The following CALD1 variants were observed in gnomAD, a reference collection of about 807,000 sequenced individuals.
The protein encoded by CALD1 is caldesmon.
Under a neutral mutation model 99.9 loss-of-function variants are expected in CALD1, and 33 were observed. The ratio of observed to expected loss-of-function variants is 0.33; its 90% CI spans 0.25 to 0.44. CALD1 has a LOEUF of 0.44. Ranked by LOEUF, CALD1 falls within the 20% of genes least tolerant of loss-of-function variation. CALD1 has a pLI of 1.00. For synonymous variants in CALD1, 310 were observed against 325.0 expected, an observed-to-expected ratio of 0.95 and a Z score of 0.50; for missense variants, 861 against 962.1, an observed-to-expected ratio of 0.89 and a Z score of 1.39.
chr7:134,865,752 C>T (rs1441762845), intron 2 of CALD1, among the ~76,000 whole-genome samples: 1 of 152,136 alleles, frequency 6.6e-6, no homozygotes, highest in African/African-American at 2.4e-5. Context: ...CATCTCCAGC[C>T]TGCTTGGAGA....
chr7:134,766,012 C>A (rs909474123), intron 1 of CALD1, among the ~76,000 whole-genome samples: 1 of 152,064 alleles, frequency 6.6e-6, no homozygotes, highest in Non-Finnish European at 1.5e-5. Flanking sequence ...ATGTGAAGCA[C>A]CTGCTCCTGC....
At chr7:134,867,476 A>T (rs1267941764) in intron 2 of CALD1, among the ~76,000 whole-genome samples, 1 of 152,194 alleles carries the variant, frequency 6.6e-6, no homozygotes, top group Non-Finnish European at 1.5e-5. Flanking sequence ...AGAATAAATA[A>T]TCTTGGGATC....
At chr7:134,965,787 A>G (rs1345823627) in intron 14 of CALD1, among the ~76,000 whole-genome samples, 1 of 150,376 alleles carries the variant, frequency 6.6e-6, no homozygotes, top group Non-Finnish European at 1.5e-5. Flanking sequence ...GAACCATTTT[A>G]GATTACATTG....
At chr7:134,963,509 C>T (rs1266386618) in intron 13 of CALD1, among the ~76,000 whole-genome samples, 2 of 152,178 alleles carry the variant, frequency 1.3e-5, no homozygotes. Flanking sequence ...TTAGCTTTGC[C>T]TTCCTCCTGA....
At position 134,783,760 on chromosome 7, in the gene CALD1, T is replaced by A. The variant is rs1797200715; in HGVS notation, c.-130+4011T>A. 6.6e-6 allele frequency among the ~76,000 whole-genome samples: 1 copy of A among 151,928 alleles called. No individual in the cohort carries two copies. Among genetic ancestry groups the A allele is most frequent in the South Asian group, 2.1e-4 (1 of 4,798 alleles). ...GGGGCATGTAAGATGGGGAGTGGGG[T>A]CAGATCTGGATTCCCATAGAAGACA... On this transcript the variant is annotated intron_variant, in intron 1 of 14. Transcript: ENST00000361675. This position sits in a 1 kb window ranked among gnomAD's most constrained non-coding sequence, Gnocchi z 4.3.
At chr7:134,863,404 A>G (rs548170287) in intron 2 of CALD1, among the ~76,000 whole-genome samples, 27 of 152,230 alleles carry the variant, frequency 1.8e-4, no homozygotes, top group Admixed American at 2.6e-4. Context: ...CAATACTGGC[A>G]CTGCCCAAAA....
At chr7:134,904,935 T>G (rs1803261793) in intron 3 of CALD1, among the ~76,000 whole-genome samples, 1 of 152,000 alleles carries the variant, frequency 6.6e-6, no homozygotes, top group Non-Finnish European at 1.5e-5. Flanking sequence ...AAGAAAGAGA[T>G]AGAGAAAATA....
At chr7:134,883,937 T>C (rs1801726373) in intron 3 of CALD1, among the ~76,000 whole-genome samples, 1 of 152,094 alleles carries the variant, frequency 6.6e-6, no homozygotes. Flanking sequence ...GTGAGGTCTC[T>C]AATAAAAATA....
At chr7:134,757,443 G>A (rs1476822962) in intron 1 of CALD1, among the ~76,000 whole-genome samples, 1 of 152,124 alleles carries the variant, frequency 6.6e-6, no homozygotes, top group Non-Finnish European at 1.5e-5. Context: ...ACAATTTGCA[G>A]GTCTGTGTTC....
intron 1 of CALD1, among the ~76,000 whole-genome samples, chr7:134,805,962 T>C (rs1032146573): frequency 6.6e-6 from 1 of 152,132 alleles, no homozygotes. Flanking sequence ...GGTTTCCCCA[T>C]GTTGGCCAGG....
chr7:134,872,699 A>C (rs1801154812), intron 3 of CALD1, among the ~76,000 whole-genome samples: 1 of 152,208 alleles, frequency 6.6e-6, no homozygotes, highest in Admixed American at 6.5e-5. Context: ...AAAAAAATTC[A>C]GTAGGCAGAA....
chr7:134,711,680 A>ATATATATGTGTGTG, the CALD1 span, among the ~76,000 whole-genome samples: 4 of 109,586 alleles, frequency 3.7e-5, no homozygotes, highest in African/African-American at 1.6e-4. Flanking sequence ...ATATATATAT[A>ATATATATGTGTGTG]TGTGTGTGTG....
At position 134,968,360 on chromosome 7, in the gene CALD1, G is replaced by T. The variant is rs1316217741; in HGVS notation, c.*15G>T. Reference sequence around the variant, plus strand: ...GGCAGGTTTGAGACAGTTCCAGAAAGAACCCAAGCTCAAGACGCAGGACGA... The same window carrying T: ...GGCAGGTTTGAGACAGTTCCAGAAATAACCCAAGCTCAAGACGCAGGACGA... On this transcript the variant is annotated 3_prime_UTR_variant, in exon 15 of 15. Coordinates refer to ENST00000361675, the MANE Select transcript of CALD1 (RefSeq NM_033138.4). 6.2e-7 allele frequency: 1 copy of T among 1,613,162 alleles called. No individual in the cohort carries two copies. The highest frequency in any genetic ancestry group is 8.5e-7 in the Non-Finnish European group (1 of 1,179,294).
intron 1 of CALD1, among the ~76,000 whole-genome samples, chr7:134,782,032 T>C (rs527344341): frequency 6.6e-5 from 10 of 152,350 alleles, no homozygotes; most frequent in African/African-American, 2.2e-4. Flanking sequence ...GTCCAGAATC[T>C]AGCCCAGGTA....
chr7:134,774,563 G>C (rs921344696), intron 1 of CALD1, among the ~76,000 whole-genome samples: 3 of 152,202 alleles, frequency 2.0e-5, no homozygotes, highest in African/African-American at 7.2e-5. Flanking sequence ...GGTTGTGTGG[G>C]GTAGAGGACG....
intron 2 of CALD1, chr7:134,844,292 C>T (rs1258356361): frequency 6.6e-6 from 1 of 151,914 alleles, no homozygotes; most frequent in African/African-American, 2.4e-5. Flanking sequence ...GTGAAAAATG[C>T]TAGTGACTTG....
At position 134,783,657 on chromosome 7, in the gene CALD1, T is replaced by C. The variant is rs1797196309; in HGVS notation, c.-130+3908T>C. Among the ~76,000 whole-genome samples, 1 of 152,092 alleles carries C rather than the reference T, an allele frequency of 6.6e-6. No individual in the cohort carries two copies. The highest frequency in any genetic ancestry group is 1.5e-5 in the Non-Finnish European group (1 of 68,028). On this transcript the variant is annotated intron_variant, in intron 1 of 14. Coordinates refer to ENST00000361675, the MANE Select transcript of CALD1 (RefSeq NM_033138.4). The surrounding 1 kb of genome is among the most constrained non-coding windows in gnomAD (Gnocchi z 4.3). The stretch of plus-strand genomic sequence containing the variant: ...TTGTTGCTATGGAAACCTTTGAGAA[T>C]CTGATAAAAACTGTGAACCCTTAAG...
At chr7:134,954,850 T>A (rs1345322290) in intron 9 of CALD1, among the ~76,000 whole-genome samples, 1 of 152,208 alleles carries the variant, frequency 6.6e-6, no homozygotes, top group African/African-American at 2.4e-5. Context: ...AAATGCCCTT[T>A]CCTGGCTAAG....
chr7:134,721,320 A>C, the CALD1 span, among the ~76,000 whole-genome samples: 3 of 128,488 alleles, frequency 2.3e-5, 1 homozygote, highest in South Asian at 9.5e-4. Context: ...GCCTGGTTTA[A>C]GTCATCTGCA....
Sources: gnomAD v4.1 joint callset for allele counts (sites outside exome capture counted in the v4.1 genomes callset) on GRCh38, gnomAD v4.1.1 for gene constraint, Gnocchi (gnomAD v3.1) non-coding constraint, MANE v1.5 for transcripts, NCBI Gene and HGNC (gene_info 2026-07-23, HGNC 2026-07-21) for gene names.